SMG6: variants seen among roughly 807,000 people sequenced by gnomAD.
The protein encoded by SMG6 is telomerase-binding protein EST1A.
A neutral mutation model predicts 142.2 loss-of-function variants in SMG6; 66 were observed. The observed-to-expected ratio is 0.46, with a 90% CI of 0.38 to 0.57. SMG6 has a LOEUF of 0.57. Ranked by LOEUF, SMG6 falls within the 20% of genes least tolerant of loss-of-function variation. SMG6 has a pLI of 0.00. For synonymous variants in SMG6, 779 were observed against 702.4 expected (o/e 1.11, Z -1.72); for missense variants, 1,793 against 1,832.0 (o/e 0.98, Z 0.39).
intron 10 of SMG6, chr17:2,200,078 C>T (rs1184730866): frequency 6.6e-6 from 1 of 151,750 alleles, no homozygotes; most frequent in Non-Finnish European, 1.5e-5. Context: ...CCCACCACCA[C>T]ACCCAGCTAC....
chr17:2,139,179 T>A (rs929887296), intron 13 of SMG6, among the ~76,000 whole-genome samples: 2 of 152,154 alleles, frequency 1.3e-5, no homozygotes, highest in African/African-American at 4.8e-5. Context: ...TGGGAGTGAC[T>A]ACAGAGGCAT....
chr17:2,111,446 C>T (rs755804820), intron 13 of SMG6, among the ~76,000 whole-genome samples: 3 of 152,192 alleles, frequency 2.0e-5, no homozygotes, highest in Non-Finnish European at 4.4e-5. Context: ...CAGGATCTCG[C>T]TGTTGCCCAG....
At chr17:2,096,923 C>T (rs2068871545) in intron 13 of SMG6, among the ~76,000 whole-genome samples, 1 of 152,190 alleles carries the variant, frequency 6.6e-6, no homozygotes, top group African/African-American at 2.4e-5. Flanking sequence ...TCTCTGACTC[C>T]ATTAGCAGCC....
intron 14 of SMG6, among the ~76,000 whole-genome samples, chr17:2,084,890 C>T (rs1280063516): frequency 6.6e-6 from 1 of 152,194 alleles, no homozygotes; most frequent in Non-Finnish European, 1.5e-5. Context: ...GGAAGTGATA[C>T]TAAATGCATA....
chr17:2,109,072 G>A (rs1036038100), intron 13 of SMG6, among the ~76,000 whole-genome samples: 11 of 152,294 alleles, frequency 7.2e-5, no homozygotes, highest in African/African-American at 2.4e-4. Flanking sequence ...GTTTTCTCAT[G>A]ACTAGCACAG....
intron 13 of SMG6, chr17:2,087,140 T>G: frequency 7.7e-7 from 1 of 1,290,478 alleles, no homozygotes. Context: ...CAGCAACCCC[T>G]CTGGTGGCAA....
chr17:2,184,364 A>G (rs574161694), intron 12 of SMG6, among the ~76,000 whole-genome samples: 1,470 of 133,442 alleles, frequency 0.011, 10 homozygotes, highest in Non-Finnish European at 0.015. Flanking sequence ...CTCTGGGGGG[A>G]AAAAAAAAAA....
At chr17:2,166,572 C>G (rs1198678746) in intron 13 of SMG6, among the ~76,000 whole-genome samples, 1 of 152,166 alleles carries the variant, frequency 6.6e-6, no homozygotes, top group African/African-American at 2.4e-5. Context: ...ATTCTTCCAC[C>G]TCAGCCACCT....
intron 15 of SMG6, among the ~76,000 whole-genome samples, chr17:2,076,139 C>G (rs554155493): frequency 4.6e-5 from 7 of 152,210 alleles, no homozygotes; most frequent in Admixed American, 1.3e-4. Context: ...TTTTTTCAAC[C>G]CCATCTTCAC....
At position 2,209,434 on chromosome 17, in the gene SMG6, G is replaced by C. The variant is rs529602535; in HGVS notation, c.2870-20919C>G. On this transcript the variant is annotated intron_variant, in intron 10 of 18. Transcript: ENST00000263073. ...GGCCAGAGTGCAGTAGCACGATCTC[G>C]GCTCTGCAACCTCCACCTCCCAGGT... is the stretch of plus-strand genomic sequence containing the variant. Among the ~76,000 whole-genome samples, 634 of 152,072 alleles carry C rather than the reference G, an allele frequency of 4.2e-3. 3 individuals are homozygous for C. Among genetic ancestry groups the C allele is most frequent in the African/African-American group, 0.014 (580 of 41,504 alleles).
At chr17:2,295,655 C>T (rs994797761) in intron 4 of SMG6, among the ~76,000 whole-genome samples, 1 of 152,004 alleles carries the variant, frequency 6.6e-6, no homozygotes, top group East Asian at 1.9e-4. Flanking sequence ...TTCTGGCCAG[C>T]CTTCCCAGTA....
chr17:2,108,761 G>A (rs1307070439), intron 13 of SMG6, among the ~76,000 whole-genome samples: 1 of 152,168 alleles, frequency 6.6e-6, no homozygotes, highest in African/African-American at 2.4e-5. Context: ...GGCCAATACA[G>A]CGAAGACCCG....
rs1481408767 is a variant in SMG6 at position 2,282,978 on chromosome 17, C to G, written c.2449-119G>C. 6 of 895,274 alleles carry G rather than the reference C, an allele frequency of 6.7e-6. No homozygotes were observed. In the Admixed American group the frequency reaches 1.3e-4, roughly 19 times the overall value. The allele number at this position is 895,274 out of a possible 1,614,324, so 55.5% of individuals were successfully genotyped here. On this transcript the variant is annotated intron_variant, in intron 7 of 18. Coordinates refer to ENST00000263073, the MANE Select transcript of SMG6 (RefSeq NM_017575.5). ...TTGAGGTCAGGAGTTTGAGACCAGCCTGACCAACATAGTGAAACCCTGTCT... is the reference window on the plus strand; with the variant it reads ...TTGAGGTCAGGAGTTTGAGACCAGCGTGACCAACATAGTGAAACCCTGTCT...
intron 15 of SMG6, among the ~76,000 whole-genome samples, chr17:2,079,989 C>T (rs1291190185): frequency 2.0e-5 from 3 of 151,924 alleles, no homozygotes; most frequent in South Asian, 2.1e-4. Context: ...ACAGGAGAAT[C>T]GTTTCAACCC....
At chr17:2,107,195 C>T (rs2069179105) in intron 13 of SMG6, among the ~76,000 whole-genome samples, 1 of 152,134 alleles carries the variant, frequency 6.6e-6, no homozygotes, top group Non-Finnish European at 1.5e-5. Flanking sequence ...AGTTCCCTGT[C>T]TTCCCATGGG....
At chr17:2,191,553 G>A (rs1047909188) in intron 10 of SMG6, among the ~76,000 whole-genome samples, 1 of 152,194 alleles carries the variant, frequency 6.6e-6, no homozygotes, top group African/African-American at 2.4e-5. Flanking sequence ...CTGTGAAACA[G>A]CCTTTCCCCT....
At chr17:2,132,106 C>A (rs559955604) in intron 13 of SMG6, among the ~76,000 whole-genome samples, 1 of 152,120 alleles carries the variant, frequency 6.6e-6, no homozygotes, top group African/African-American at 2.4e-5. Context: ...CTTTTGAACT[C>A]GAGCAATCCT....
intron 8 of SMG6, among the ~76,000 whole-genome samples, chr17:2,258,598 T>C (rs1208868599): frequency 1.6e-5 from 2 of 128,066 alleles, no homozygotes; most frequent in African/African-American, 3.4e-5. Context: ...AACCTAGGAA[T>C]TCAAGACCAG....
rs2074428674 is a variant in SMG6, at chr17:2,266,666, A to G, written c.2661+15981T>C. Reference sequence around the variant, plus strand: ...AGAGAACTCTGCTCTGTTAGAGGAAAGAAACCAACCTCACATATTGAAACA... The same window carrying G: ...AGAGAACTCTGCTCTGTTAGAGGAAGGAAACCAACCTCACATATTGAAACA... On this transcript the variant is annotated intron_variant, in intron 8 of 18. Coordinates refer to ENST00000263073, the MANE Select transcript of SMG6 (RefSeq NM_017575.5). 3.3e-5 allele frequency among the ~76,000 whole-genome samples: 5 copies of G among 152,228 alleles called. No individual in the cohort carries two copies. The South Asian group carries it at 1.0e-3, about 32-fold the overall frequency.
Sources: allele counts gnomAD v4.1 joint callset (sites outside exome capture counted in the v4.1 genomes callset), GRCh38; gene constraint gnomAD v4.1.1; transcripts MANE v1.5; gene names NCBI Gene and HGNC (gene_info 2026-07-23, HGNC 2026-07-21).